Variants in PRKN observed in about 807,000 individuals in gnomAD.
PRKN encodes parkin RBR E3 ubiquitin protein ligase.
A neutral mutation model predicts 59.5 loss-of-function variants in PRKN; 56 were observed. The observed-to-expected ratio is 0.94, with a 90% CI of 0.76 to 1.18. The LOEUF is 1.18. Ranked by LOEUF, PRKN falls within the 50% of genes most tolerant of loss-of-function variation. The pLI is 0.00. For missense variants in PRKN, 657 were observed against 596.4 expected (o/e 1.10, Z -1.06); for synonymous variants, 250 against 222.1 (o/e 1.13, Z -1.12).
In PRKN at chr6:161,554,734, G is replaced by GTATATATA. The variant is rs1312718879; in HGVS notation, c.934-5739_934-5732dup. On this transcript the variant is annotated intron_variant, in intron 8 of 11. Coordinates refer to ENST00000366898, the MANE Select transcript of PRKN (RefSeq NM_004562.3). This position sits in a 1 kb window ranked among gnomAD's most constrained non-coding sequence, Gnocchi z 4.5. Reference sequence around the variant, plus strand: ...GGATTGTGTGTGTGTGTGTGTGTGTGTATATATATATATATATATACATAC... The same window carrying GTATATATA: ...GGATTGTGTGTGTGTGTGTGTGTGTGTATATATATATATATATATATATATATACATAC... 2.1e-5 allele frequency among the ~76,000 whole-genome samples: 3 copies of GTATATATA among 140,958 alleles called. No homozygotes were observed. Among genetic ancestry groups the GTATATATA allele is most frequent in the East Asian group, 2.1e-4 (1 of 4,814 alleles). 92.5% of individuals were successfully genotyped at this position (140,958 alleles called of 152,430 possible). A position where few individuals can be genotyped will look rare whatever the true frequency, so the allele number is the denominator to read the frequency against.
intron 1 of PRKN, among the ~76,000 whole-genome samples, chr6:162,525,367 C>T (rs1387268439): frequency 6.6e-6 from 1 of 152,196 alleles, no homozygotes; most frequent in Non-Finnish European, 1.5e-5. Flanking sequence ...TCCCACCCAA[C>T]CTCCCCTGAG....
At chr6:162,589,062 T>C (rs751108408) in intron 1 of PRKN, among the ~76,000 whole-genome samples, 5 of 152,164 alleles carry the variant, frequency 3.3e-5, no homozygotes, top group South Asian at 4.1e-4. Flanking sequence ...TTGGGCACCA[T>C]GGCTCATCAA....
chr6:161,767,823 G>A (rs1429519013), intron 7 of PRKN, among the ~76,000 whole-genome samples: 1 of 152,136 alleles, frequency 6.6e-6, no homozygotes, highest in Non-Finnish European at 1.5e-5. Context: ...TCCGGACACT[G>A]CATCAGGGGA....
chr6:161,462,202 A>G lies in PRKN; in HGVS notation c.1084-75325T>C, dbSNP rs16892546. On this transcript the variant is annotated intron_variant, in intron 9 of 11. Coordinates refer to ENST00000366898, the MANE Select transcript of PRKN (RefSeq NM_004562.3). The surrounding 1 kb of genome is among the most constrained non-coding windows in gnomAD (Gnocchi z 4.5). ...TTAGCCTCTACTGTCTTCCAATATGACCAAAGTCTAGTCCATCTAGAGAGA... is the reference window on the plus strand; with the variant it reads ...TTAGCCTCTACTGTCTTCCAATATGGCCAAAGTCTAGTCCATCTAGAGAGA... Among the ~76,000 whole-genome samples the G allele has an allele frequency of 0.015, 2,281 of 152,276 alleles. 63 individuals are homozygous for G. Among genetic ancestry groups the G allele is most frequent in the African/African-American group, 0.052 (2,150 of 41,536 alleles).
At chr6:162,545,654 T>G (rs1690336488) in intron 1 of PRKN, among the ~76,000 whole-genome samples, 1 of 152,224 alleles carries the variant, frequency 6.6e-6, no homozygotes, top group African/African-American at 2.4e-5. Context: ...TAAAAAATTA[T>G]ATAACATTTA....
At chr6:162,727,193 T>G in intron 1 of PRKN, 1 of 157,538 alleles carries the variant, frequency 6.3e-6, no homozygotes, top group Non-Finnish European at 1.4e-5. Context: ...TCCATTAGAG[T>G]TTAATGCTTT....
intron 9 of PRKN, among the ~76,000 whole-genome samples, chr6:161,494,632 C>G (rs7742141): frequency 0.43 from 66,165 of 152,136 alleles, 15,495 homozygotes; most frequent in African/African-American, 0.6. Flanking sequence ...CAAAACTGAA[C>G]ATTTTAATGT....
In PRKN at chr6:161,983,834, C is replaced by G. The variant is rs538637113; in HGVS notation, c.619-10417G>C. ...TGACACATTAGTGGGTGCAGCGCAC[C>G]AGCACGGCACATGTATACATATGTA... On this transcript the variant is annotated intron_variant, in intron 5 of 11. Coordinates refer to ENST00000366898, the MANE Select transcript of PRKN (RefSeq NM_004562.3). Among the ~76,000 whole-genome samples the G allele has an allele frequency of 8.9e-5, 10 of 112,434 alleles. 1 individual carries two copies. The highest frequency in any genetic ancestry group is 3.5e-4 in the Admixed American group (4 of 11,574). 73.8% of individuals were successfully genotyped at this position (112,434 alleles called of 152,430 possible).
rs181900238 is a variant in PRKN at position 161,653,305 on chromosome 6, A to C, written c.872-83889T>G. 3.8e-3 allele frequency among the ~76,000 whole-genome samples: 576 copies of C among 152,342 alleles called. 5 individuals carry two copies. The highest frequency in any genetic ancestry group is 0.012 in the African/African-American group (515 of 41,582). On this transcript the variant is annotated intron_variant, in intron 7 of 11. Coordinates refer to ENST00000366898, the MANE Select transcript of PRKN (RefSeq NM_004562.3). ...CTTGAACCCAGGAGGCGGAGGTTGC[A>C]GTGAGCCGAGATCACGCCACTGCAC...
At chr6:161,541,234 T>C (rs1779604066) in intron 9 of PRKN, among the ~76,000 whole-genome samples, 1 of 152,218 alleles carries the variant, frequency 6.6e-6, no homozygotes, top group African/African-American at 2.4e-5. Flanking sequence ...ATGTGGTTAC[T>C]GTGATTGAGG....
chr6:161,465,045 G>A (rs1329142085), intron 9 of PRKN, among the ~76,000 whole-genome samples: 1 of 152,198 alleles, frequency 6.6e-6, no homozygotes, highest in Non-Finnish European at 1.5e-5. Flanking sequence ...GAGCTGCAGA[G>A]GTTAGAAAGC....
At chr6:162,502,036 C>A (rs2128188144) in intron 1 of PRKN, among the ~76,000 whole-genome samples, 1 of 152,170 alleles carries the variant, frequency 6.6e-6, no homozygotes, top group East Asian at 1.9e-4. Context: ...GGTGGGTGGG[C>A]AAAATGCACC....
chr6:161,558,755 A>AT lies in PRKN; in HGVS notation c.934-9753dup, dbSNP rs55958003. 2.6e-5 allele frequency among the ~76,000 whole-genome samples: 4 copies of AT among 151,970 alleles called. No homozygotes were observed. The East Asian group carries it at 5.8e-4, about 22-fold the overall frequency. On this transcript the variant is annotated intron_variant, in intron 8 of 11. Coordinates refer to ENST00000366898, the MANE Select transcript of PRKN (RefSeq NM_004562.3). Reference sequence around the variant, plus strand: ...GTCCCATTTTCTATACGCATTAGAAATTTTTTTCAAAAAAGAAGCACTCCT... The same window carrying AT: ...GTCCCATTTTCTATACGCATTAGAAATTTTTTTTCAAAAAAGAAGCACTCCT...
intron 7 of PRKN, among the ~76,000 whole-genome samples, chr6:161,684,792 G>GA (rs71716386): frequency 0.13 from 17,585 of 136,136 alleles, 1,727 homozygotes; most frequent in African/African-American, 0.29. Flanking sequence ...TTTTTAAAAG[G>GA]AAAAAAAAAA....
chr6:161,884,234 A>G lies in PRKN; in HGVS notation c.734+89068T>C, dbSNP rs373415170. On this transcript the variant is annotated intron_variant, in intron 6 of 11. Transcript: ENST00000366898. ...AAAGAAACAGCTCATGTTTTTATGT[A>G]CATTAGCATGTTTCTAATGCAGTAA... Among the ~76,000 whole-genome samples the G allele has an allele frequency of 4.5e-4, 68 of 152,328 alleles. 1 individual carries two copies. The South Asian group carries it at 0.013, about 30-fold the overall frequency.
At chr6:162,238,916 G>A (rs757121653) in intron 3 of PRKN, among the ~76,000 whole-genome samples, 22 of 152,254 alleles carry the variant, frequency 1.4e-4, no homozygotes, top group East Asian at 3.9e-4. Context: ...TCCTCTGGTC[G>A]TGGCTGTGCA....
chr6:161,908,665 T>C lies in PRKN; in HGVS notation c.734+64637A>G, dbSNP rs145807180. ...ACAAAATCAGTGAAGTTCTTTTCAA[T>C]GAAAAAAAAAAACACCAGTTCTATA... On this transcript the variant is annotated intron_variant, in intron 6 of 11. Coordinates refer to ENST00000366898, the MANE Select transcript of PRKN (RefSeq NM_004562.3). Among the ~76,000 whole-genome samples, 218 of 101,564 alleles carry C rather than the reference T, an allele frequency of 2.1e-3. 5 individuals carry two copies. The East Asian group carries it at 0.05, about 23-fold the overall frequency. The allele number at this position is 101,564 out of a possible 152,430, so 66.6% of individuals were successfully genotyped here. A position where few individuals can be genotyped will look rare whatever the true frequency, so the allele number is the denominator to read the frequency against.
chr6:162,424,541 C>T (rs1033589583), intron 2 of PRKN, among the ~76,000 whole-genome samples: 10 of 151,980 alleles, frequency 6.6e-5, no homozygotes, highest in African/African-American at 2.2e-4. Flanking sequence ...CAAGACCAGC[C>T]TGGCCAAGAT....
chr6:161,906,682 A>ATATATATATATATATATATATATATT (rs1562381695), intron 6 of PRKN, among the ~76,000 whole-genome samples: 1 of 147,086 alleles, frequency 6.8e-6, no homozygotes, highest in African/African-American at 2.6e-5. Context: ...ATATGTATAT[A>ATATATATATATATATATATATATATT]TGAGTTTATT....
Sources: gnomAD v4.1 joint callset for allele counts (sites outside exome capture counted in the v4.1 genomes callset) on GRCh38, gnomAD v4.1.1 for gene constraint, Gnocchi (gnomAD v3.1) non-coding constraint, MANE v1.5 for transcripts, NCBI Gene and HGNC (gene_info 2026-07-23, HGNC 2026-07-21) for gene names.